TMEM131: variants seen among roughly 807,000 people sequenced by gnomAD.
TMEM131 encodes the protein 2610524E03Rik.
In TMEM131, 66 loss-of-function variants were observed where a neutral mutation model predicts 211.6. The ratio of observed to expected loss-of-function variants is 0.31; its 90% confidence interval spans 0.26 to 0.38. The LOEUF (loss-of-function observed/expected upper bound fraction) is 0.38. Among genes scored for constraint, TMEM131 ranks in the 10% least tolerant of loss-of-function variants. TMEM131 has a pLI of 1.00. For synonymous variants in TMEM131, 844 were observed against 841.3 expected, an observed-to-expected ratio of 1.00 and a Z score of -0.06; for missense variants, 2,036 against 2,299.3, an observed-to-expected ratio of 0.89 and a Z score of 2.34.
chr2:97,943,037 A>AAAAGAAAAGAAAAG lies in TMEM131; in HGVS notation c.188-15551_188-15550insCTTTTCTTTTCTTT, dbSNP rs1559464422. Among the ~76,000 whole-genome samples the AAAAGAAAAGAAAAG allele has an allele frequency of 2.3e-3, 153 of 65,968 alleles. 1 individual carries two copies. Among genetic ancestry groups the AAAAGAAAAGAAAAG allele is most frequent in the South Asian group, 8.0e-3 (16 of 1,990 alleles). 43.3% of individuals were successfully genotyped at this position (65,968 alleles called of 152,430 possible). A position where few individuals can be genotyped will look rare whatever the true frequency, so the allele number is the denominator to read the frequency against. On this transcript the variant is annotated intron_variant, in intron 1 of 40. Transcript: ENST00000186436. ...AAAAGAAAAGAAAAGAAAAGAAAAG[A>AAAAGAAAAGAAAAG]AAAGAAAGAAAGAAAGAAAGAAAGA...
chr2:97,995,889 G>C lies in TMEM131; in HGVS notation c.-227C>G. 1 of 235,766 alleles carries C rather than the reference G, an allele frequency of 4.2e-6. No individual in the cohort carries two copies. Among genetic ancestry groups the C allele is most frequent in the Non-Finnish European group, 8.0e-6 (1 of 125,570 alleles). 14.6% of individuals were successfully genotyped at this position (235,766 alleles called of 1,614,324 possible). The stretch of plus-strand genomic sequence containing the variant: ...GCATCGCCTACAAGCAGTCGGAGCG[G>C]AGAGGCCGCGGGTCAGGCGCGGCGG... On this transcript the variant is annotated 5_prime_UTR_variant, in exon 1 of 41. Transcript: ENST00000186436.
chr2:97,930,729 A>T (rs969136256), intron 1 of TMEM131, among the ~76,000 whole-genome samples: 1 of 151,886 alleles, frequency 6.6e-6, no homozygotes, highest in African/African-American at 2.4e-5. Context: ...ATGTAACAAA[A>T]GTCAGTCAAG....
intron 4 of TMEM131, among the ~76,000 whole-genome samples, chr2:97,867,400 A>G (rs578108433): frequency 3.3e-5 from 5 of 152,238 alleles, no homozygotes; most frequent in Admixed American, 3.3e-4. Flanking sequence ...TATAATTGTT[A>G]TATCTCCCTG....
At chr2:97,786,272 C>T (rs1460773585) in intron 31 of TMEM131, among the ~76,000 whole-genome samples, 1 of 152,140 alleles carries the variant, frequency 6.6e-6, no homozygotes, top group Admixed American at 6.5e-5. Flanking sequence ...TGGCCAGATA[C>T]GATGTGGCTC....
intron 11 of TMEM131, among the ~76,000 whole-genome samples, chr2:97,819,412 C>A (rs1491002800): frequency 1.3e-5 from 2 of 152,106 alleles, no homozygotes; most frequent in African/African-American, 4.8e-5. Context: ...TTTTTATTTC[C>A]TCACTGACAC....
intron 2 of TMEM131, among the ~76,000 whole-genome samples, chr2:97,916,893 G>A (rs565438392): frequency 1.3e-5 from 2 of 152,228 alleles, no homozygotes; most frequent in East Asian, 3.9e-4. Context: ...AAGAGTACCT[G>A]ACTTGTCAAC....
intron 3 of TMEM131, among the ~76,000 whole-genome samples, chr2:97,893,755 A>C (rs1331875178): frequency 6.6e-6 from 1 of 150,538 alleles, no homozygotes; most frequent in Admixed American, 6.6e-5. Flanking sequence ...TTGTAAATTT[A>C]AGTTCTTTGT....
At chr2:97,963,512 T>G (rs1678910944) in intron 1 of TMEM131, among the ~76,000 whole-genome samples, 1 of 152,124 alleles carries the variant, frequency 6.6e-6, no homozygotes, top group Non-Finnish European at 1.5e-5. Context: ...GTCAGAAGTT[T>G]GTGACCAGCC....
chr2:97,948,953 G>C (rs1240005158), intron 1 of TMEM131, among the ~76,000 whole-genome samples: 1 of 152,194 alleles, frequency 6.6e-6, no homozygotes, highest in East Asian at 1.9e-4. Context: ...CACCGTGCCA[G>C]GCCAGTAGTT....
At chr2:97,914,299 G>GT (rs1676413693) in intron 2 of TMEM131, among the ~76,000 whole-genome samples, 1 of 152,186 alleles carries the variant, frequency 6.6e-6, no homozygotes, top group Admixed American at 6.5e-5. Flanking sequence ...TTTCCCCACT[G>GT]TATCATTCTG....
intron 33 of TMEM131, among the ~76,000 whole-genome samples, chr2:97,769,386 C>T (rs1354565178): frequency 6.6e-6 from 1 of 152,064 alleles, no homozygotes; most frequent in African/African-American, 2.4e-5. Flanking sequence ...CTTTTCACAA[C>T]GTTACACCTG....
At chr2:97,932,463 T>C (rs1402271511) in intron 1 of TMEM131, among the ~76,000 whole-genome samples, 1 of 152,194 alleles carries the variant, frequency 6.6e-6, no homozygotes, top group African/African-American at 2.4e-5. Flanking sequence ...ATCAACTTCC[T>C]AAAGAAGCTA....
At chr2:97,968,050 T>C (rs1371735456) in intron 1 of TMEM131, among the ~76,000 whole-genome samples, 1 of 152,024 alleles carries the variant, frequency 6.6e-6, no homozygotes, top group East Asian at 1.9e-4. Flanking sequence ...CTAAGTCCTG[T>C]CCCCAGCACC....
At chr2:97,836,191 A>G (rs1682933612) in intron 8 of TMEM131, among the ~76,000 whole-genome samples, 1 of 152,254 alleles carries the variant, frequency 6.6e-6, no homozygotes, top group Non-Finnish European at 1.5e-5. Flanking sequence ...GGAATTAACC[A>G]AATAACTGGC....
At chr2:97,894,285 T>C (rs2104297257) in intron 3 of TMEM131, among the ~76,000 whole-genome samples, 1 of 152,370 alleles carries the variant, frequency 6.6e-6, no homozygotes, top group South Asian at 2.1e-4. Flanking sequence ...TACTGCAGCC[T>C]TGCAGAATAA....
chr2:97,847,311 T>C (rs1033488354), intron 5 of TMEM131, among the ~76,000 whole-genome samples: 2 of 152,100 alleles, frequency 1.3e-5, no homozygotes, highest in East Asian at 1.9e-4. Context: ...AAAATATCTA[T>C]AAAAATCCTC....
intron 1 of TMEM131, among the ~76,000 whole-genome samples, chr2:97,963,994 T>C (rs1190733812): frequency 1.3e-5 from 2 of 152,210 alleles, no homozygotes; most frequent in Non-Finnish European, 2.9e-5. Context: ...CTAACAGGCT[T>C]ACATAAAAGT....
At chr2:97,979,630 A>G (rs140073800) in intron 1 of TMEM131, among the ~76,000 whole-genome samples, 18 of 143,936 alleles carry the variant, frequency 1.3e-4, no homozygotes, top group African/African-American at 4.6e-4. Context: ...CTCAGTCTTC[A>G]TAGAACTGAA....
chr2:97,905,453 T>C (rs1676029612), intron 3 of TMEM131, among the ~76,000 whole-genome samples: 1 of 152,176 alleles, frequency 6.6e-6, no homozygotes. Flanking sequence ...TTTATTAAAG[T>C]TCTTTGACAG....
Sources: allele counts gnomAD v4.1 joint callset (sites outside exome capture counted in the v4.1 genomes callset), GRCh38; gene constraint gnomAD v4.1.1; transcripts MANE v1.5; gene names NCBI Gene and HGNC (gene_info 2026-07-23, HGNC 2026-07-21).